Variants in FKBP9 observed in about 807,000 individuals in gnomAD.
The protein encoded by FKBP9 is peptidyl-prolyl cis-trans isomerase FKBP9.
A neutral mutation model predicts 55.6 loss-of-function variants in FKBP9; 27 were observed. The observed-to-expected ratio is 0.49, with a 90% CI of 0.36 to 0.67. The LOEUF (loss-of-function observed/expected upper bound fraction) is 0.67. Ranked by LOEUF, FKBP9 falls within the 30% of genes least tolerant of loss-of-function variation. FKBP9 has a pLI of 0.00. For synonymous variants in FKBP9, 267 were observed against 296.5 expected (o/e 0.90, Z 1.02); for missense variants, 539 against 742.8 (o/e 0.73, Z 3.19).
intron 5 of FKBP9, among the ~76,000 whole-genome samples, chr7:32,986,130 A>G (rs948673531): frequency 3.3e-5 from 5 of 149,794 alleles, no homozygotes; most frequent in Admixed American, 6.6e-5. Context: ...ATTCAAGCCC[A>G]CCCCGCCACT....
intron 8 of FKBP9, 59 bp from the exon 9 acceptor site, chr7:33,002,617 G>A (rs1469832223): frequency 1.3e-6 from 2 of 1,590,338 alleles, no homozygotes; most frequent in African/African-American, 2.7e-5. Context: ...GGTGCTGGTT[G>A]TTGGGCTTGA....
intron 1 of FKBP9, among the ~76,000 whole-genome samples, chr7:32,959,107 A>T (rs1268004267): frequency 2.8e-5 from 4 of 142,670 alleles, no homozygotes; most frequent in East Asian, 4.4e-4. Flanking sequence ...TAGTTACTTT[A>T]AAAAAAAAAA....
intron 6 of FKBP9, among the ~76,000 whole-genome samples, chr7:32,994,546 A>G (rs534115376): frequency 1.4e-4 from 22 of 151,744 alleles, no homozygotes; most frequent in African/African-American, 5.3e-4. Context: ...GGCAGGCTGT[A>G]CTTCCTGGTT....
At position 32,996,210 on chromosome 7, in the gene FKBP9, G is replaced by A. The variant is rs201062844; in HGVS notation, c.1087G>A (p.Asp363Asn). The A allele has an allele frequency of 1.8e-4, 291 of 1,614,058 alleles. 2 individuals carry two copies. The highest frequency in any genetic ancestry group is 3.3e-5 in the South Asian group (3 of 91,072). ...GCTGGTGTTTGACATCCATGTGATC[G>A]ACTTCCACAACCCTTCGGACTCCAT... Reference protein sequence around the residue: ...AVLVFDIHVIDFHNPSDSISI... With the variant: ...AVLVFDIHVINFHNPSDSISI... The change falls in exon 7 of 10, where the codon GAC becomes AAC. Residue 363 changes from aspartate (D) to asparagine (N), a missense_variant. Around this residue, in one of 4 missense-constraint regions of FKBP9, gnomAD observed 172 missense variants for 205.3 expected, o/e 0.84. Coordinates refer to ENST00000242209, the MANE Select transcript of FKBP9 (RefSeq NM_007270.5).
At chr7:32,995,450 G>T (rs1237052297) in intron 6 of FKBP9, among the ~76,000 whole-genome samples, 2 of 152,272 alleles carry the variant, frequency 1.3e-5, no homozygotes, top group East Asian at 3.9e-4. Flanking sequence ...AATTCCTGGG[G>T]TTATGGCCAT....
Position 32,965,826 on chromosome 7 carries a change from T to TATATATATATATGTGTACAC in FKBP9, c.221+8044_221+8045insGTGTACACATATATATATAT, listed in dbSNP as rs1554284306. On this transcript the variant is annotated intron_variant, in intron 1 of 9. Transcript: ENST00000242209. ...AAAAAAAAAAAAATATATATATATATATATATATATATATATATGTGTGTA... is the reference window on the plus strand; with the variant it reads ...AAAAAAAAAAAAATATATATATATATATATATATATATGTGTACACATATATATATATATATATGTGTGTA... Among the ~76,000 whole-genome samples the TATATATATATATGTGTACAC allele has an allele frequency of 3.7e-3, 123 of 33,246 alleles. 1 individual carries two copies. Among genetic ancestry groups the TATATATATATATGTGTACAC allele is most frequent in the Admixed American group, 0.01 (21 of 2,068 alleles). 21.8% of individuals were successfully genotyped at this position (33,246 alleles called of 152,430 possible).
rs141020449 is a variant in FKBP9, at chr7:32,957,711, G to A, written c.138G>A (p.Glu46=). 883 of 1,544,734 alleles carry A rather than the reference G, an allele frequency of 5.7e-4. 6 individuals are homozygous for A. In the African/African-American group the frequency reaches 0.01, roughly 18 times the overall value. Residue 46 remains glutamate (E), a synonymous_variant, in exon 1 of 10, where the codon GAG becomes GAA. Transcript: ENST00000242209. ...LQIERRFVPD[E]CPRTVRSGDF... is the part of the protein sequence containing the mutation. Reference sequence around the variant, plus strand: ...TCGAGCGGCGCTTCGTGCCCGACGAGTGCCCGCGCACCGTGCGCAGCGGCG... The same window carrying A: ...TCGAGCGGCGCTTCGTGCCCGACGAATGCCCGCGCACCGTGCGCAGCGGCG...
At chr7:32,961,739 G>A (rs936119299) in intron 1 of FKBP9, among the ~76,000 whole-genome samples, 1 of 151,576 alleles carries the variant, frequency 6.6e-6, no homozygotes, top group Admixed American at 6.6e-5. Flanking sequence ...ATCAGGAGGG[G>A]CATTAGATTC....
rs1025595247 is a variant in FKBP9 at position 32,957,602 on chromosome 7, C to A, written c.29C>A (p.Pro10Gln). The A allele has an allele frequency of 1.9e-5, 28 of 1,475,706 alleles. 1 individual carries two copies. In the African/African-American group the frequency reaches 2.6e-4, roughly 14 times the overall value. 91.4% of individuals were successfully genotyped at this position (1,475,706 alleles called of 1,614,324 possible). Residue 10 changes from proline to glutamine, a missense_variant, in exon 1 of 10, where the codon CCG becomes CAG. Physicochemically the swap from Pro to Gln is moderately conservative, Grantham distance 76 (BLOSUM62 -1). Transcript: ENST00000242209. MAFRGWRPP[P>Q]PPLLLLLLWV... ...GCGTTCCGGGGCTGGAGGCCCCCGCCGCCACCGCTGCTCCTGCTGCTGCTC... is the reference window on the plus strand; with the variant it reads ...GCGTTCCGGGGCTGGAGGCCCCCGCAGCCACCGCTGCTCCTGCTGCTGCTC...
At chr7:32,992,797 G>A (rs1784710577) in intron 6 of FKBP9, 3 of 226,410 alleles carry the variant, frequency 1.3e-5, no homozygotes, top group Non-Finnish European at 2.6e-5. Flanking sequence ...CACGGTGTTA[G>A]GGATTCAGCA....
rs1275629445 is a variant in FKBP9, at chr7:32,975,237, T to C, written c.423T>C (p.Ile141=). The change falls in exon 3 of 10, where the codon ATT becomes ATC. Residue 141 remains isoleucine, a synonymous_variant. Coordinates refer to ENST00000242209, the MANE Select transcript of FKBP9 (RefSeq NM_007270.5). ...VLHFDVLLMD[I]WNSEDQVQIH... ...ATTTTGATGTACTTCTGATGGATAT[T>C]TGGAATTCTGAAGACCAGGTTCAGA... 1.9e-6 allele frequency: 3 copies of C among 1,613,772 alleles called. No individual in the cohort carries two copies. The highest frequency in any genetic ancestry group is 2.5e-6 in the Non-Finnish European group (3 of 1,179,770).
chr7:32,988,720 T>G, intron 6 of FKBP9, 68 bp downstream of exon 6: 3 of 1,438,338 alleles, frequency 2.1e-6, no homozygotes, highest in Non-Finnish European at 1.9e-6. Flanking sequence ...AAACAGGGCT[T>G]CTTTTTCTTT....
At chr7:33,000,940 C>G (rs1482832873) in intron 8 of FKBP9, among the ~76,000 whole-genome samples, 1 of 152,108 alleles carries the variant, frequency 6.6e-6, no homozygotes, top group Admixed American at 6.6e-5. Flanking sequence ...ACCACCTCGC[C>G]TGGCTAATTT....
intron 3 of FKBP9, 152 bp downstream of exon 3, chr7:32,975,523 G>T: frequency 1.6e-6 from 1 of 632,782 alleles, no homozygotes; most frequent in Non-Finnish European, 2.7e-6. Flanking sequence ...AAGACTTTTG[G>T]TCAGTGTTGC....
At chr7:32,989,121 A>ATATT (rs1453177236) in intron 6 of FKBP9, 4 of 152,078 alleles carry the variant, frequency 2.6e-5, no homozygotes, top group Non-Finnish European at 4.4e-5. Flanking sequence ...ATCTCTTTTT[A>ATATT]TATTTATTTA....
intron 6 of FKBP9, among the ~76,000 whole-genome samples, chr7:32,993,553 G>C (rs190196074): frequency 1.2e-3 from 189 of 152,284 alleles, no homozygotes; most frequent in Admixed American, 3.0e-3. Flanking sequence ...AGCTGGGCGC[G>C]GTGGCTCACG....
At chr7:32,984,195 T>G (rs1784534541) in intron 5 of FKBP9, among the ~76,000 whole-genome samples, 1 of 152,272 alleles carries the variant, frequency 6.6e-6, no homozygotes, top group African/African-American at 2.4e-5. Context: ...TTTCTATTCT[T>G]TAAGATATTC....
At chr7:32,978,555 G>C (rs55818420) in intron 4 of FKBP9, among the ~76,000 whole-genome samples, 3 of 151,914 alleles carry the variant, frequency 2.0e-5, no homozygotes, top group Non-Finnish European at 4.4e-5. Flanking sequence ...ACAGTGTCTC[G>C]CTACGTTACC....
chr7:32,975,099 C>T, intron 2 of FKBP9, 83 bp from the exon 3 acceptor site: 1 of 1,138,978 alleles, frequency 8.8e-7, no homozygotes. Context: ...GGCCCACATT[C>T]ACCTTGGGAG....
Sources: allele counts gnomAD v4.1 joint callset (sites outside exome capture counted in the v4.1 genomes callset), GRCh38; gene constraint gnomAD v4.1.1; regional missense constraint gnomAD v4.1.1; transcripts MANE v1.5; gene names NCBI Gene and HGNC (gene_info 2026-07-23, HGNC 2026-07-21).